PRKN: variants seen among roughly 807,000 people sequenced by gnomAD.
PRKN encodes the protein parkin RBR E3 ubiquitin protein ligase.
PRKN carries 56 observed loss-of-function variants against 59.5 expected under a neutral mutation model. The ratio of observed to expected loss-of-function variants is 0.94; its 90% CI spans 0.76 to 1.18. The LOEUF is 1.18. Among genes scored for constraint, PRKN ranks in the 50% most tolerant of loss-of-function variants. PRKN has a pLI of 0.00. For missense variants in PRKN, 657 were observed against 596.4 expected, an observed-to-expected ratio of 1.10 and a Z score of -1.06; for synonymous variants, 250 against 222.1, an observed-to-expected ratio of 1.13 and a Z score of -1.12.
intron 1 of PRKN, among the ~76,000 whole-genome samples, chr6:162,658,645 A>G: frequency 7.0e-6 from 1 of 143,420 alleles, no homozygotes; most frequent in African/African-American, 2.6e-5. Flanking sequence ...TGGGCGACAG[A>G]GTGAGACTCT....
chr6:162,537,488 G>A (rs1271946138), intron 1 of PRKN, among the ~76,000 whole-genome samples: 1 of 151,982 alleles, frequency 6.6e-6, no homozygotes, highest in African/African-American at 2.4e-5. Context: ...CCCACTTTAG[G>A]CCCACAGTTT....
chr6:162,410,739 T>C (rs1483717237), intron 2 of PRKN, among the ~76,000 whole-genome samples: 2 of 152,178 alleles, frequency 1.3e-5, no homozygotes, highest in Admixed American at 6.5e-5. Context: ...CCAGGAGGCT[T>C]TTCCTTAGTG....
At chr6:162,387,555 C>CACACAGAGAGAG (rs1212726833) in intron 2 of PRKN, among the ~76,000 whole-genome samples, 5 of 95,632 alleles carry the variant, frequency 5.2e-5, no homozygotes, top group African/African-American at 1.6e-4. Flanking sequence ...CACACACACA[C>CACACAGAGAGAG]AGAGAGAGAG....
intron 4 of PRKN, among the ~76,000 whole-genome samples, chr6:162,145,364 T>G (rs980213951): frequency 2.6e-5 from 4 of 152,166 alleles, no homozygotes; most frequent in Admixed American, 6.5e-5. Flanking sequence ...TTGGGTGGTC[T>G]GGGGAAATTG....
In PRKN at chr6:161,390,791, G is replaced by T. The variant is rs1298599944; in HGVS notation, c.1084-3914C>A. 1.3e-5 allele frequency among the ~76,000 whole-genome samples: 2 copies of T among 152,106 alleles called. No homozygotes were observed. The highest frequency in any genetic ancestry group is 2.9e-5 in the Non-Finnish European group (2 of 68,036). ...GGCATGAGCCACCGTGCCTGGCCAAGACGTGATTATTTTTAAGAATAAAAT... is the reference window on the plus strand; with the variant it reads ...GGCATGAGCCACCGTGCCTGGCCAATACGTGATTATTTTTAAGAATAAAAT... On this transcript the variant is annotated intron_variant, in intron 9 of 11. Transcript: ENST00000366898. This position sits in a 1 kb window ranked among gnomAD's most constrained non-coding sequence, Gnocchi z 7.0.
At chr6:162,668,763 G>T (rs949622670) in intron 1 of PRKN, among the ~76,000 whole-genome samples, 4 of 152,174 alleles carry the variant, frequency 2.6e-5, no homozygotes, top group African/African-American at 9.7e-5. Flanking sequence ...ACCTGGTCAT[G>T]AGAAGTATCT....
At chr6:162,391,720 G>A (rs1279022840) in intron 2 of PRKN, among the ~76,000 whole-genome samples, 1 of 152,092 alleles carries the variant, frequency 6.6e-6, no homozygotes, top group Admixed American at 6.5e-5. Flanking sequence ...TTGACAGCTG[G>A]GTCTCCACAC....
chr6:161,942,947 TTTC>T (rs1293326930), intron 6 of PRKN, among the ~76,000 whole-genome samples: 1 of 152,240 alleles, frequency 6.6e-6, no homozygotes, highest in Non-Finnish European at 1.5e-5. Flanking sequence ...GGAAGATGGT[TTTC>T]TTCTAAAGAC....
chr6:161,761,151 T>C (rs1399342185), intron 7 of PRKN, among the ~76,000 whole-genome samples: 1 of 152,192 alleles, frequency 6.6e-6, no homozygotes, highest in Admixed American at 6.5e-5. Context: ...TGGTGAACCA[T>C]TGTGTTGCAA....
intron 6 of PRKN, among the ~76,000 whole-genome samples, chr6:161,791,962 C>T (rs1272220977): frequency 4.6e-5 from 7 of 152,188 alleles, no homozygotes; most frequent in South Asian, 2.1e-4. Flanking sequence ...TTACAGATCA[C>T]TTGCTCTGAG....
chr6:162,030,138 C>A (rs1159114185), intron 5 of PRKN, among the ~76,000 whole-genome samples: 1 of 152,270 alleles, frequency 6.6e-6, no homozygotes, highest in Admixed American at 6.5e-5. Context: ...CCGTGCCCAG[C>A]CGCTGCACCT....
chr6:162,388,216 G>A (rs1444218756), intron 2 of PRKN, among the ~76,000 whole-genome samples: 8 of 152,176 alleles, frequency 5.3e-5, no homozygotes, highest in African/African-American at 1.7e-4. Flanking sequence ...ACTCTGGGCA[G>A]TGTGGGGCTA....
At chr6:161,648,325 T>A (rs1202853166) in intron 7 of PRKN, among the ~76,000 whole-genome samples, 1 of 151,840 alleles carries the variant, frequency 6.6e-6, no homozygotes, top group South Asian at 2.1e-4. Context: ...ATAAGGGAGG[T>A]CTTACTGAGT....
At chr6:161,659,218 T>C (rs1240150475) in intron 7 of PRKN, among the ~76,000 whole-genome samples, 1 of 152,232 alleles carries the variant, frequency 6.6e-6, no homozygotes, top group Non-Finnish European at 1.5e-5. Flanking sequence ...TTCCAGGGCA[T>C]TGAGATGTAA....
At chr6:161,918,017 A>G (rs1466412124) in intron 6 of PRKN, among the ~76,000 whole-genome samples, 2 of 152,230 alleles carry the variant, frequency 1.3e-5, no homozygotes, top group Admixed American at 6.5e-5. Context: ...ACATATTTAT[A>G]AGTGTGGAAA....
At chr6:161,641,996 T>C (rs1783761941) in intron 7 of PRKN, among the ~76,000 whole-genome samples, 1 of 152,216 alleles carries the variant, frequency 6.6e-6, no homozygotes, top group Non-Finnish European at 1.5e-5. Flanking sequence ...GGGGAAGCAA[T>C]TCTCTAAGAA....
At chr6:162,337,746 A>T (rs1783909092) in intron 2 of PRKN, among the ~76,000 whole-genome samples, 1 of 152,182 alleles carries the variant, frequency 6.6e-6, no homozygotes. Flanking sequence ...CTCGGCAGTC[A>T]TTTATGAAAG....
At chr6:162,400,930 T>A (rs919949793) in intron 2 of PRKN, among the ~76,000 whole-genome samples, 2 of 152,148 alleles carry the variant, frequency 1.3e-5, no homozygotes, top group African/African-American at 2.4e-5. Context: ...GTGTTATTAA[T>A]TTAAAATAAT....
intron 6 of PRKN, among the ~76,000 whole-genome samples, chr6:161,926,278 G>C (rs1778966328): frequency 6.6e-6 from 1 of 152,096 alleles, no homozygotes; most frequent in South Asian, 2.1e-4. Flanking sequence ...TAAATACGCA[G>C]GTCAAGACCT....
Sources: gnomAD v4.1 joint callset for allele counts (sites outside exome capture counted in the v4.1 genomes callset) on GRCh38, gnomAD v4.1.1 for gene constraint, Gnocchi (gnomAD v3.1) non-coding constraint, MANE v1.5 for transcripts, NCBI Gene and HGNC (gene_info 2026-07-23, HGNC 2026-07-21) for gene names.